TNR: variants seen among roughly 807,000 people sequenced by gnomAD.
TNR encodes tenascin-R.
A neutral mutation model predicts 150.4 loss-of-function variants in TNR; 45 were observed. The ratio of observed to expected loss-of-function variants is 0.30; its 90% CI spans 0.24 to 0.38. The LOEUF is 0.38. Ranked by LOEUF, TNR falls within the 10% of genes least tolerant of loss-of-function variation. TNR has a pLI of 1.00. For missense variants in TNR, 1,544 were observed against 1,759.1 expected, an observed-to-expected ratio of 0.88 and a Z score of 2.19; for synonymous variants, 687 against 678.4, an observed-to-expected ratio of 1.01 and a Z score of -0.20.
chr1:175,707,495 C>T (rs1245384290), intron 1 of TNR, among the ~76,000 whole-genome samples: 1 of 152,020 alleles, frequency 6.6e-6, no homozygotes, highest in African/African-American at 2.4e-5. Context: ...AATGAAATCC[C>T]AAATTTATAA....
At chr1:175,586,799 T>C (rs187761209) in intron 1 of TNR, among the ~76,000 whole-genome samples, 47 of 152,320 alleles carry the variant, frequency 3.1e-4, no homozygotes, top group African/African-American at 1.1e-3. Context: ...ACTGGGATGG[T>C]CTTTAAAGGA....
chr1:175,317,127 A>T lies in TNR; in HGVS notation c.*6230T>A, dbSNP rs1185720189. The T allele has an allele frequency of 4.6e-5, 7 of 152,362 alleles. 2 individuals are homozygous for T. The highest frequency in any genetic ancestry group is 4.6e-4 in the Admixed American group (7 of 15,310). 9.4% of individuals were successfully genotyped at this position (152,362 alleles called of 1,614,324 possible). A position where few individuals can be genotyped will look rare whatever the true frequency, so the allele number is the denominator to read the frequency against. On this transcript the variant is annotated 3_prime_UTR_variant, in exon 23 of 23. Coordinates refer to ENST00000367674, the MANE Select transcript of TNR (RefSeq NM_003285.3). ...AATGGTTAAACCTGACTTAAAGTTT[A>T]TGGTGAGGATTTAGTAAAGTAATAT...
chr1:175,592,531 C>T (rs1219578833), intron 1 of TNR, among the ~76,000 whole-genome samples: 3 of 152,250 alleles, frequency 2.0e-5, no homozygotes, highest in African/African-American at 7.2e-5. Context: ...CTCACTTTTC[C>T]GGCTGGTGCT....
At chr1:175,642,770 A>T (rs866142354) in intron 1 of TNR, among the ~76,000 whole-genome samples, 1 of 152,162 alleles carries the variant, frequency 6.6e-6, no homozygotes, top group African/African-American at 2.4e-5. Flanking sequence ...CATCTTTACA[A>T]AAAATAAAAA....
intron 1 of TNR, among the ~76,000 whole-genome samples, chr1:175,543,775 G>A (rs1336892596): frequency 1.3e-5 from 2 of 152,116 alleles, no homozygotes; most frequent in Non-Finnish European, 2.9e-5. Context: ...AGGGGCAAGG[G>A]GAATGGGCAA....
chr1:175,549,532 C>T (rs961551612), intron 1 of TNR, among the ~76,000 whole-genome samples: 2 of 152,174 alleles, frequency 1.3e-5, no homozygotes, highest in African/African-American at 4.8e-5. Context: ...AGATTTTACT[C>T]CTGTGATGAG....
At chr1:175,359,760 A>T in intron 14 of TNR, 29 bp from the exon 15 acceptor site, 1 of 1,584,178 alleles carries the variant, frequency 6.3e-7, no homozygotes, top group Non-Finnish European at 8.6e-7. Context: ...TCAGTTACAG[A>T]TAAGAGGAGC....
intron 1 of TNR, among the ~76,000 whole-genome samples, chr1:175,730,128 A>C (rs773214082): frequency 6.6e-6 from 1 of 152,054 alleles, no homozygotes; most frequent in African/African-American, 2.4e-5. Context: ...TACCGCCTGC[A>C]TGAAGGCCCA....
intron 1 of TNR, among the ~76,000 whole-genome samples, chr1:175,692,449 A>G (rs551247338): frequency 2.0e-5 from 3 of 152,388 alleles, no homozygotes; most frequent in African/African-American, 4.8e-5. Flanking sequence ...GATGGTTAAT[A>G]TAAGTGGAGA....
chr1:175,481,890 T>C lies in TNR; in HGVS notation c.-64+46379A>G, dbSNP rs960386748. On this transcript the variant is annotated intron_variant, in intron 2 of 22. Transcript: ENST00000367674. ...CTGTCCTGCTGCCTCCTGCTGGAAG[T>C]TGGGAACCATATCTGTTCTGGTTGT... Among the ~76,000 whole-genome samples the C allele has an allele frequency of 3.3e-5, 5 of 152,070 alleles. No individual in the cohort carries two copies. In the East Asian group the frequency reaches 5.8e-4, roughly 18 times the overall value.
chr1:175,710,733 C>T (rs920305717), intron 1 of TNR, among the ~76,000 whole-genome samples: 2 of 152,292 alleles, frequency 1.3e-5, no homozygotes, highest in African/African-American at 2.4e-5. Flanking sequence ...AGTCTGGTCT[C>T]AGGAGTCTCA....
chr1:175,696,954 T>C (rs2101923510), intron 1 of TNR, among the ~76,000 whole-genome samples: 1 of 152,122 alleles, frequency 6.6e-6, no homozygotes, highest in South Asian at 2.1e-4. Flanking sequence ...CTTTATTAAG[T>C]CAAACTATTT....
intron 1 of TNR, among the ~76,000 whole-genome samples, chr1:175,729,159 C>T (rs1460732301): frequency 6.6e-6 from 1 of 150,956 alleles, no homozygotes; most frequent in African/African-American, 2.4e-5. Flanking sequence ...GAGTTTTTTC[C>T]TTCCTTCCAT....
intron 2 of TNR, among the ~76,000 whole-genome samples, chr1:175,455,772 G>T (rs931816342): frequency 1.1e-4 from 16 of 152,186 alleles, no homozygotes; most frequent in Non-Finnish European, 2.2e-4. Flanking sequence ...ACTCCCACCT[G>T]GGCTCCTTGT....
chr1:175,657,933 A>G (rs1571722518), intron 1 of TNR, among the ~76,000 whole-genome samples: 1 of 90,152 alleles, frequency 1.1e-5, no homozygotes, highest in East Asian at 4.6e-4. Flanking sequence ...TTAAAGTATA[A>G]TAAAAAAAAA....
chr1:175,728,910 T>C (rs1302905718), intron 1 of TNR, among the ~76,000 whole-genome samples: 1 of 152,140 alleles, frequency 6.6e-6, no homozygotes, highest in Non-Finnish European at 1.5e-5. Flanking sequence ...AAGAGAGAAA[T>C]GCTTGTTATT....
At chr1:175,710,986 C>G (rs1370858472) in intron 1 of TNR, among the ~76,000 whole-genome samples, 1 of 150,144 alleles carries the variant, frequency 6.7e-6, no homozygotes, top group Admixed American at 6.6e-5. Flanking sequence ...ACGGCACCTC[C>G]TCCACTTCTA....
chr1:175,622,866 T>C (rs968948031), intron 1 of TNR, among the ~76,000 whole-genome samples: 15 of 152,338 alleles, frequency 9.8e-5, no homozygotes, highest in Admixed American at 9.8e-4. Flanking sequence ...AACTTAAAGC[T>C]TCTTAAGCCC....
intron 4 of TNR, among the ~76,000 whole-genome samples, chr1:175,402,300 C>T (rs1214507992): frequency 2.0e-5 from 2 of 100,222 alleles, no homozygotes; most frequent in East Asian, 3.2e-4. Flanking sequence ...GGCGACAGAG[C>T]GAGACTCCGT....
Sources: gnomAD v4.1 joint callset for allele counts (sites outside exome capture counted in the v4.1 genomes callset) on GRCh38, gnomAD v4.1.1 for gene constraint, MANE v1.5 for transcripts, NCBI Gene and HGNC (gene_info 2026-07-23, HGNC 2026-07-21) for gene names.